The following WDR5 variants were observed in gnomAD, a reference collection of about 807,000 sequenced individuals.
The protein encoded by WDR5 is WD repeat-containing protein 5.
For missense variants in WDR5, 187 were observed against 416.9 expected, an observed-to-expected ratio of 0.45 and a Z score of 4.80; for synonymous variants, 144 against 161.6, an observed-to-expected ratio of 0.89 and a Z score of 0.83.
intron 1 of WDR5, among the ~76,000 whole-genome samples, chr9:134,138,508 C>G (rs1831700990): frequency 6.6e-6 from 1 of 152,206 alleles, no homozygotes; most frequent in Non-Finnish European, 1.5e-5. Flanking sequence ...ACGTAGCTGG[C>G]ATTTACCGAG....
intron 8 of WDR5, 145 bp from the exon 9 acceptor site, chr9:134,151,838 G>A: frequency 1.3e-6 from 1 of 781,536 alleles, no homozygotes; most frequent in East Asian, 2.5e-5. Flanking sequence ...GAATATAAGA[G>A]AATGACTGTT....
intron 3 of WDR5, 24 bp downstream of exon 3, chr9:134,140,835 C>G (rs368199566): frequency 3.1e-6 from 5 of 1,602,922 alleles, no homozygotes; most frequent in Non-Finnish European, 4.3e-6. Flanking sequence ...AGGCCCTTAG[C>G]TGCTGGGAGA....
At chr9:134,142,227 C>A in intron 5 of WDR5, 106 bp from the exon 6 acceptor site, 3 of 1,296,746 alleles carry the variant, frequency 2.3e-6, no homozygotes, top group Non-Finnish European at 2.2e-6. Context: ...AAGTCACTGG[C>A]GGGGCATCAG....
At chr9:134,137,966 C>G (rs1054650190) in intron 1 of WDR5, among the ~76,000 whole-genome samples, 1 of 152,154 alleles carries the variant, frequency 6.6e-6, no homozygotes, top group African/African-American at 2.4e-5. Context: ...TGGTCTTGAA[C>G]TTCCTGACCT....
At chr9:134,151,843 A>C (rs1170664528) in intron 8 of WDR5, 140 bp from the exon 9 acceptor site, 1 of 800,658 alleles carries the variant, frequency 1.2e-6, no homozygotes, top group Non-Finnish European at 2.0e-6. Flanking sequence ...TAAGAGAATG[A>C]CTGTTAAACA....
At position 134,159,934 on chromosome 9, in the gene WDR5, TTC is replaced by T. The variant is rs1485562050; in HGVS notation, c.*1943_*1944del. The T allele has an allele frequency of 1.3e-5, 2 of 152,234 alleles. No individual in the cohort carries two copies. Among genetic ancestry groups the T allele is most frequent in the Non-Finnish European group, 2.9e-5 (2 of 68,034 alleles). The allele number at this position is 152,234 out of a possible 1,614,324, so 9.4% of individuals were successfully genotyped here. On this transcript the variant is annotated 3_prime_UTR_variant, in exon 14 of 14. Transcript: ENST00000358625. This position sits in a 1 kb window ranked among gnomAD's most constrained non-coding sequence, Gnocchi z 4.3. ...TGTTGTAGATTTATGTAAAAATACA[TTC>T]TTTTTGAAAATAAAAATTTTCATGT...
rs558979248 is a variant in WDR5, at chr9:134,158,084, C to T, written c.*91C>T. ...TCTTGGAGGTGGTCCCCCAGATCTG[C>T]GCCTGGGGGTCAGGACAGGGCCTGA... On this transcript the variant is annotated 3_prime_UTR_variant, in exon 14 of 14. Coordinates refer to ENST00000358625, the MANE Select transcript of WDR5 (RefSeq NM_017588.3). 2.9e-5 allele frequency: 34 copies of T among 1,180,486 alleles called. No individual in the cohort carries two copies. In the East Asian group the frequency reaches 4.3e-4, roughly 15 times the overall value. The allele number at this position is 1,180,486 out of a possible 1,614,324, so 73.1% of individuals were successfully genotyped here.
Position 134,142,736 on chromosome 9 carries a change from C to A in WDR5, c.528+17C>A, listed in dbSNP as rs201670862. 1.2e-6 allele frequency: 2 copies of A among 1,613,294 alleles called. No homozygotes were observed. The highest frequency in any genetic ancestry group is 4.5e-5 in the East Asian group (2 of 44,886). The stretch of plus-strand genomic sequence containing the variant: ...GTCTCGGCCGTAAGTCCCTCTGACA[C>A]GGATGGGGTGGTGTCCAGCACTACG... On this transcript the variant is annotated intron_variant, in intron 7 of 13. Coordinates refer to ENST00000358625, the MANE Select transcript of WDR5 (RefSeq NM_017588.3).
rs768414147 is a variant in WDR5, at chr9:134,139,810, C to T, written c.-58-10C>T. 1.2e-5 allele frequency: 18 copies of T among 1,549,096 alleles called. No homozygotes were observed. The highest frequency in any genetic ancestry group is 3.3e-5 in the South Asian group (3 of 89,584). ...TTTCTTGGCTCCCTGTTCTGCATCT[C>T]GCTCAACAGACTGCCTCTGTCACCG... On this transcript the variant is annotated splice_polypyrimidine_tract_variant and intron_variant, in intron 1 of 13. Transcript: ENST00000358625.
chr9:134,147,980 C>A (rs1186647631), intron 7 of WDR5, among the ~76,000 whole-genome samples: 1 of 151,962 alleles, frequency 6.6e-6, no homozygotes, highest in Admixed American at 6.6e-5. Context: ...TATGGTGAAA[C>A]CCCGTCTCTC....
chr9:134,148,978 A>T (rs1832354168), intron 8 of WDR5, among the ~76,000 whole-genome samples: 1 of 151,832 alleles, frequency 6.6e-6, no homozygotes, highest in Admixed American at 6.6e-5. Flanking sequence ...TGTGTTTTGG[A>T]TGTGGGGCGG....
intron 7 of WDR5, 105 bp downstream of exon 7, chr9:134,142,824 T>G: frequency 2.6e-6 from 3 of 1,171,588 alleles, no homozygotes; most frequent in Non-Finnish European, 3.8e-6. Context: ...CCATGGCCTG[T>G]GCCTAGCTGA....
At chr9:134,148,034 A>C (rs1451667295) in intron 7 of WDR5, among the ~76,000 whole-genome samples, 1 of 152,068 alleles carries the variant, frequency 6.6e-6, no homozygotes, top group Non-Finnish European at 1.5e-5. Context: ...GTGGTGGTGC[A>C]TGCCTGTAAT....
rs1047943407 is a variant in WDR5, at chr9:134,154,328, G to T, written c.632-138G>T. ...CTAGGCCACCCTTCGGGGCGGCGAG[G>T]GGTGGTGGTGCTGGCACTGATGGTG... is the stretch of plus-strand genomic sequence containing the variant. On this transcript the variant is annotated intron_variant, in intron 9 of 13. Transcript: ENST00000358625. 1.0e-4 allele frequency: 88 copies of T among 858,266 alleles called. No individual in the cohort carries two copies. The African/African-American group carries it at 1.3e-3, about 13-fold the overall frequency. 53.2% of individuals were successfully genotyped at this position (858,266 alleles called of 1,614,324 possible). A position where few individuals can be genotyped will look rare whatever the true frequency, so the allele number is the denominator to read the frequency against.
At chr9:134,138,292 G>T (rs538030259) in intron 1 of WDR5, among the ~76,000 whole-genome samples, 1 of 152,000 alleles carries the variant, frequency 6.6e-6, no homozygotes, top group African/African-American at 2.4e-5. Flanking sequence ...TTCCTCTGGT[G>T]TTTCGCTTGG....
At chr9:134,149,259 C>T (rs565581159) in intron 8 of WDR5, among the ~76,000 whole-genome samples, 16 of 152,302 alleles carry the variant, frequency 1.1e-4, no homozygotes, top group African/African-American at 2.6e-4. Flanking sequence ...ACCCAACCAC[C>T]GGCCTCCCAT....
In WDR5 at chr9:134,140,932, G is replaced by A. The variant is rs578012541; in HGVS notation, c.190+121G>A. On this transcript the variant is annotated intron_variant, in intron 3 of 13. Coordinates refer to ENST00000358625, the MANE Select transcript of WDR5 (RefSeq NM_017588.3). ...GGGGAGACGTAGCAGGCCGCTGGGGGGCACGTAGCAGGCGGGTGTGTCTCC... is the reference window on the plus strand; with the variant it reads ...GGGGAGACGTAGCAGGCCGCTGGGGAGCACGTAGCAGGCGGGTGTGTCTCC... 1.5e-5 allele frequency: 14 copies of A among 908,600 alleles called. 1 individual carries two copies. In the South Asian group the frequency reaches 1.7e-4, roughly 11 times the overall value. The allele number at this position is 908,600 out of a possible 1,614,324, so 56.3% of individuals were successfully genotyped here. A position where few individuals can be genotyped will look rare whatever the true frequency, so the allele number is the denominator to read the frequency against.
At chr9:134,136,385 G>C (rs1295658007) in intron 1 of WDR5, among the ~76,000 whole-genome samples, 185 bp downstream of exon 1, 1 of 151,118 alleles carries the variant, frequency 6.6e-6, no homozygotes, top group Non-Finnish European at 1.5e-5. Flanking sequence ...TCGGTGGACG[G>C]CCGCGCGCGC....
At position 134,157,715 on chromosome 9, in the gene WDR5, G is replaced by A. The variant is rs1023854136; in HGVS notation, c.905-178G>A. ...CCCTGGTACCGGCTGCTGTCCCCTCGCTCCCCTCCCCTGGGCTCCCTGTGT... is the reference window on the plus strand; with the variant it reads ...CCCTGGTACCGGCTGCTGTCCCCTCACTCCCCTCCCCTGGGCTCCCTGTGT... On this transcript the variant is annotated intron_variant, in intron 13 of 13. Transcript: ENST00000358625. The surrounding 1 kb of genome is among the most constrained non-coding windows in gnomAD (Gnocchi z 5.0). 2.1e-4 allele frequency among the ~76,000 whole-genome samples: 32 copies of A among 152,094 alleles called. No homozygotes were observed. The highest frequency in any genetic ancestry group is 7.5e-4 in the African/African-American group (31 of 41,484).
Sources: gnomAD v4.1 joint callset for allele counts (sites outside exome capture counted in the v4.1 genomes callset) on GRCh38, gnomAD v4.1.1 for gene constraint, Gnocchi (gnomAD v3.1) non-coding constraint, MANE v1.5 for transcripts, NCBI Gene and HGNC (gene_info 2026-07-23, HGNC 2026-07-21) for gene names.